Variants in LMNB1 observed in about 807,000 individuals in gnomAD.
LMNB1 encodes lamin-B1.
A neutral mutation model predicts 67.1 loss-of-function variants in LMNB1; 23 were observed. The ratio of observed to expected loss-of-function variants is 0.34; its 90% CI spans 0.25 to 0.49. The LOEUF is 0.49. LMNB1 is among the 20% of genes least tolerant of loss of function. The pLI is 0.99. For synonymous variants in LMNB1, 281 were observed against 282.9 expected, an observed-to-expected ratio of 0.99 and a Z score of 0.07; for missense variants, 634 against 746.5, an observed-to-expected ratio of 0.85 and a Z score of 1.76.
chr5:126,829,355 G>T (rs967022297), intron 9 of LMNB1, among the ~76,000 whole-genome samples: 1 of 151,944 alleles, frequency 6.6e-6, no homozygotes, highest in East Asian at 1.9e-4. Flanking sequence ...CCAGAGGTAC[G>T]TCTTTTCTAT....
At chr5:126,805,834 G>C (rs1241929066) in intron 3 of LMNB1, 138 bp downstream of exon 3, 1 of 654,996 alleles carries the variant, frequency 1.5e-6, no homozygotes, top group African/African-American at 1.8e-5. Context: ...ATAAGGTTTG[G>C]GGATGGGGAG....
chr5:126,777,867 A>G lies in LMNB1; in HGVS notation c.359A>G (p.Asn120Ser), dbSNP rs369733845. Residue 120 changes from asparagine to serine, a missense_variant and splice_region_variant, in exon 1 of 11, where the codon AAC becomes AGC. Coordinates refer to ENST00000261366, the MANE Select transcript of LMNB1 (RefSeq NM_005573.4). Reference sequence around the variant, plus strand: ...GCGGAACACGACCAGCTGCTCCTCAAGTGAGTGCTAGCTGGCGGCCGCGTT... The same window carrying G: ...GCGGAACACGACCAGCTGCTCCTCAGGTGAGTGCTAGCTGGCGGCCGCGTT... ...CKAEHDQLLL[N>S]YAKKESDLNG... The G allele has an allele frequency of 6.4e-6, 9 of 1,412,508 alleles. No individual in the cohort carries two copies. In the African/African-American group the frequency reaches 1.2e-4, roughly 19 times the overall value. The allele number at this position is 1,412,508 out of a possible 1,614,324, so 87.5% of individuals were successfully genotyped here.
At chr5:126,820,123 CAA>C (rs1052191742) in intron 6 of LMNB1, among the ~76,000 whole-genome samples, 1 of 150,946 alleles carries the variant, frequency 6.6e-6, no homozygotes, top group Admixed American at 6.6e-5. Context: ...GCCTGGGTGA[CAA>C]GAGTGAAACT....
chr5:126,814,379 T>C (rs1417576827), intron 5 of LMNB1, among the ~76,000 whole-genome samples: 2 of 152,246 alleles, frequency 1.3e-5, no homozygotes, highest in African/African-American at 2.4e-5. Flanking sequence ...CCATTTGATT[T>C]ACTTAGTACA....
At chr5:126,794,036 G>A (rs1221176122) in intron 1 of LMNB1, among the ~76,000 whole-genome samples, 1 of 151,956 alleles carries the variant, frequency 6.6e-6, no homozygotes, top group Non-Finnish European at 1.5e-5. Context: ...CTGGGTTCAA[G>A]CGATTCTCCT....
intron 4 of LMNB1, among the ~76,000 whole-genome samples, chr5:126,810,611 G>A (rs1751559513): frequency 1.3e-5 from 2 of 152,118 alleles, no homozygotes; most frequent in Non-Finnish European, 2.9e-5. Flanking sequence ...TTGATCATTC[G>A]TACTATGCCA....
intron 1 of LMNB1, among the ~76,000 whole-genome samples, chr5:126,803,847 G>A (rs757074846): frequency 2.0e-5 from 3 of 152,130 alleles, no homozygotes; most frequent in Non-Finnish European, 2.9e-5. Flanking sequence ...CACCGTGCCC[G>A]GCCCTGAACC....
At chr5:126,792,290 G>A (rs1750982361) in intron 1 of LMNB1, among the ~76,000 whole-genome samples, 2 of 151,580 alleles carry the variant, frequency 1.3e-5, no homozygotes, top group South Asian at 2.1e-4. Flanking sequence ...TTACAGACAC[G>A]TGCCATTACG....
At chr5:126,803,840 C>T (rs898595972) in intron 1 of LMNB1, among the ~76,000 whole-genome samples, 3 of 152,164 alleles carry the variant, frequency 2.0e-5, no homozygotes, top group African/African-American at 7.2e-5. Flanking sequence ...CATGAGCCAC[C>T]GTGCCCGGCC....
At chr5:126,796,430 A>G (rs886887404) in intron 1 of LMNB1, among the ~76,000 whole-genome samples, 3 of 152,134 alleles carry the variant, frequency 2.0e-5, no homozygotes, top group Admixed American at 2.0e-4. Context: ...AAGTTCCAGA[A>G]CCAAGTAGTT....
intron 1 of LMNB1, among the ~76,000 whole-genome samples, chr5:126,803,602 A>G (rs889521814): frequency 6.6e-6 from 1 of 151,308 alleles, no homozygotes; most frequent in African/African-American, 2.4e-5. Flanking sequence ...GCTGGAGTGC[A>G]GTGGTGCGGT....
At position 126,777,766 on chromosome 5, in the gene LMNB1, G is replaced by A. The variant is rs1039473632; in HGVS notation, c.258G>A (p.Leu86=). The A allele has an allele frequency of 9.9e-6, 15 of 1,519,192 alleles. No homozygotes were observed. In the Admixed American group the frequency reaches 1.7e-4, roughly 17 times the overall value. 94.1% of individuals were successfully genotyped at this position (1,519,192 alleles called of 1,614,324 possible). The change falls in exon 1 of 11, where the codon CTG becomes CTA. Residue 86 remains leucine (L), a synonymous_variant. Coordinates refer to ENST00000261366, the MANE Select transcript of LMNB1 (RefSeq NM_005573.4). ...TGLKALYETE[L]ADARRALDDT... ...TCAAGGCGCTCTACGAGACCGAGCTGGCCGACGCGCGACGCGCGCTCGACG... is the reference window on the plus strand; with the variant it reads ...TCAAGGCGCTCTACGAGACCGAGCTAGCCGACGCGCGACGCGCGCTCGACG...
chr5:126,800,184 A>G (rs1751235485), intron 1 of LMNB1, among the ~76,000 whole-genome samples: 1 of 152,178 alleles, frequency 6.6e-6, no homozygotes, highest in South Asian at 2.1e-4. Context: ...GGCACTGAGG[A>G]TCTGAAGGTA....
chr5:126,790,323 C>G (rs932514305), intron 1 of LMNB1, among the ~76,000 whole-genome samples: 3 of 152,014 alleles, frequency 2.0e-5, no homozygotes, highest in Non-Finnish European at 4.4e-5. Context: ...CCAGGCTGGT[C>G]TCGAACTCCT....
chr5:126,778,355 A>G (rs1297085791), intron 1 of LMNB1, among the ~76,000 whole-genome samples: 3 of 152,166 alleles, frequency 2.0e-5, no homozygotes, highest in Non-Finnish European at 4.4e-5. Flanking sequence ...TCTAGAATGA[A>G]TGAGCTTCGC....
chr5:126,831,845 T>G (rs1429046180), intron 9 of LMNB1, among the ~76,000 whole-genome samples: 1 of 152,164 alleles, frequency 6.6e-6, no homozygotes, highest in African/African-American at 2.4e-5. Flanking sequence ...TATTTCGAAT[T>G]GGATAGTACT....
chr5:126,798,272 AC>A (rs1196303377), intron 1 of LMNB1, among the ~76,000 whole-genome samples: 2 of 152,034 alleles, frequency 1.3e-5, no homozygotes, highest in Non-Finnish European at 2.9e-5. Flanking sequence ...ACACGGTGAA[AC>A]CCCGTCTCTA....
rs369904027 is a variant in LMNB1, at chr5:126,820,963, C to T, written c.1214C>T (p.Ser405Leu). The T allele has an allele frequency of 5.0e-6, 8 of 1,613,950 alleles. No individual in the cohort carries two copies. The highest frequency in any genetic ancestry group is 2.2e-5 in the South Asian group (2 of 91,086). Residue 405 changes from serine (S) to leucine (L), a missense_variant, in exon 7 of 11, where the codon TCA (serine) becomes TTA (leucine). Ser to Leu is a moderately radical substitution (Grantham distance 145). Coordinates refer to ENST00000261366, the MANE Select transcript of LMNB1 (RefSeq NM_005573.4). ...SSRVTVSRAS[S>L]SRSVRTTRGK... ...CGTGTGACAGTATCCCGAGCATCCTCAAGTCGTAGTGTACGTACAACTAGA... is the reference window on the plus strand; with the variant it reads ...CGTGTGACAGTATCCCGAGCATCCTTAAGTCGTAGTGTACGTACAACTAGA...
At chr5:126,776,743 G>C (rs1750454945), upstream of LMNB1, 1 of 152,234 alleles carries the variant, frequency 6.6e-6, no homozygotes, top group Non-Finnish European at 1.5e-5. Context: ...CGGTGGCGCA[G>C]ATCCGTCCCG....
Sources: gnomAD v4.1 joint callset for allele counts (sites outside exome capture counted in the v4.1 genomes callset) on GRCh38, gnomAD v4.1.1 for gene constraint, MANE v1.5 for transcripts, NCBI Gene and HGNC (gene_info 2026-07-23, HGNC 2026-07-21) for gene names.